Variants in TFCP2L1 observed in about 807,000 individuals in gnomAD.
TFCP2L1 encodes the protein transcription factor CP2 like 1, also known as transcription factor CP2-like protein 1.
A neutral mutation model predicts 72.2 loss-of-function variants in TFCP2L1; 12 were observed. The observed-to-expected ratio is 0.17, with a 90% CI of 0.11 to 0.27. The LOEUF is 0.27. TFCP2L1 is among the 10% of genes least tolerant of loss of function. TFCP2L1 has a pLI of 1.00. For missense variants in TFCP2L1, 488 were observed against 624.6 expected (o/e 0.78, Z 2.33); for synonymous variants, 260 against 251.0 (o/e 1.04, Z -0.34).
At chr2:121,249,262 C>CT (rs533480962) in intron 3 of TFCP2L1, among the ~76,000 whole-genome samples, 175 bp from the exon 4 acceptor site, 5 of 152,304 alleles carry the variant, frequency 3.3e-5, no homozygotes, top group African/African-American at 1.2e-4. Flanking sequence ...GTAACACTAA[C>CT]AACAGCAACA....
Position 121,285,139 on chromosome 2 carries a change from C to A in TFCP2L1, c.-30G>T, listed in dbSNP as rs1332235930. The A allele has an allele frequency of 2.0e-6, 3 of 1,469,558 alleles. No homozygotes were observed. The highest frequency in any genetic ancestry group is 1.4e-5 in the African/African-American group (1 of 69,022). The allele number at this position is 1,469,558 out of a possible 1,614,324, so 91.0% of individuals were successfully genotyped here. ...GGAACTCCCAGCGCGCCGACCGGGG[C>A]GCGGCAGCAAGCGCAGACGCGGGGC... On this transcript the variant is annotated 5_prime_UTR_variant, in exon 1 of 15. Coordinates refer to ENST00000263707, the MANE Select transcript of TFCP2L1 (RefSeq NM_014553.3).
chr2:121,240,808 G>C (rs1686352093), intron 7 of TFCP2L1: 1 of 910,630 alleles, frequency 1.1e-6, no homozygotes, highest in Admixed American at 6.2e-5. Flanking sequence ...TGCAGTGCTT[G>C]CATCCTGCCA....
intron 14 of TFCP2L1, among the ~76,000 whole-genome samples, 167 bp downstream of exon 14, chr2:121,225,395 C>T (rs1413255267): frequency 1.3e-5 from 2 of 152,204 alleles, no homozygotes; most frequent in African/African-American, 4.8e-5. Flanking sequence ...GGGGGCCAAT[C>T]TCACTAGTTC....
intron 12 of TFCP2L1, among the ~76,000 whole-genome samples, chr2:121,233,180 G>A (rs944394661): frequency 6.6e-6 from 1 of 152,090 alleles, no homozygotes; most frequent in Non-Finnish European, 1.5e-5. Context: ...TTAGCCAGGT[G>A]TGGGGGTGTG....
At chr2:121,240,983 G>A (rs964871767) in intron 7 of TFCP2L1, among the ~76,000 whole-genome samples, 3 of 152,124 alleles carry the variant, frequency 2.0e-5, no homozygotes, top group Non-Finnish European at 4.4e-5. Context: ...AGCCAAGACC[G>A]GGCCACTGTT....
chr2:121,226,229 G>A (rs1686030532), intron 13 of TFCP2L1, among the ~76,000 whole-genome samples: 1 of 151,966 alleles, frequency 6.6e-6, no homozygotes, highest in African/African-American at 2.4e-5. Flanking sequence ...AACATTCACT[G>A]AAAAATAAGG....
rs750010923 is a variant in TFCP2L1 at position 121,285,045 on chromosome 2, T to C, written c.62+3A>G. 2 of 1,502,606 alleles carry C rather than the reference T, an allele frequency of 1.3e-6. No homozygotes were observed. The highest frequency in any genetic ancestry group is 2.3e-5 in the Admixed American group (1 of 43,276). 93.1% of individuals were successfully genotyped at this position (1,502,606 alleles called of 1,614,324 possible). On this transcript the variant is annotated splice_donor_region_variant and intron_variant, in intron 1 of 14. Transcript: ENST00000263707. Reference sequence around the variant, plus strand: ...ACCCGCGGGGACCGCGCGCGGCCCTTACCGCAGGTAGCTGCCGGAGTTGTG... The same window carrying C: ...ACCCGCGGGGACCGCGCGCGGCCCTCACCGCAGGTAGCTGCCGGAGTTGTG...
rs1171678921 is a variant in TFCP2L1 at position 121,217,189 on chromosome 2, T to G, written c.*7152A>C. 2.6e-5 allele frequency: 4 copies of G among 152,246 alleles called. No homozygotes were observed. The South Asian group carries it at 8.3e-4, about 32-fold the overall frequency. The allele number at this position is 152,246 out of a possible 1,614,324, so 9.4% of individuals were successfully genotyped here. A position where few individuals can be genotyped will look rare whatever the true frequency, so the allele number is the denominator to read the frequency against. On this transcript the variant is annotated 3_prime_UTR_variant, in exon 15 of 15. Transcript: ENST00000263707. The stretch of plus-strand genomic sequence containing the variant: ...CCCTGGCCCCCATCTAACCTCCCAG[T>G]TGACTTCCTGAAAACTGGGCTAGTG...
intron 13 of TFCP2L1, among the ~76,000 whole-genome samples, chr2:121,225,998 A>G (rs891978616): frequency 1.5e-5 from 2 of 135,960 alleles, no homozygotes; most frequent in African/African-American, 5.8e-5. Context: ...ACACGGGAAC[A>G]CGGTAAACAC....
chr2:121,242,562 A>G (rs1686399006), intron 6 of TFCP2L1, 93 bp from the exon 7 acceptor site: 2 of 1,224,300 alleles, frequency 1.6e-6, no homozygotes, highest in East Asian at 2.3e-5. Flanking sequence ...CCAGGGCCCC[A>G]GGGCGCAGGG....
At position 121,246,877 on chromosome 2, in the gene TFCP2L1, C is replaced by T; in HGVS notation, c.598G>A (p.Glu200Lys). 3.7e-6 allele frequency: 6 copies of T among 1,614,150 alleles called. No homozygotes were observed. Among genetic ancestry groups the T allele is most frequent in the South Asian group, 1.1e-5 (1 of 91,078 alleles). The change falls in exon 6 of 15, where the codon GAG (glutamate) becomes AAG (lysine). Residue 200 changes from glutamate (E) to lysine (K), a missense_variant. Around this residue, in one of 3 missense-constraint regions of TFCP2L1, gnomAD observed 129 missense variants for 236.0 expected, o/e 0.55. Coordinates refer to ENST00000263707, the MANE Select transcript of TFCP2L1 (RefSeq NM_014553.3). ...AGGTGCTCCGTGTACTCCCCATTCT[C>T]GTTCTGCTTAAACGTGTCAATCTGG... ...RVQIDTFKQN[E>K]NGEYTEHLHS...
intron 5 of TFCP2L1, 107 bp from the exon 6 acceptor site, chr2:121,247,077 G>T: frequency 7.3e-7 from 1 of 1,378,086 alleles, no homozygotes; most frequent in Non-Finnish European, 9.9e-7. Context: ...CTTGGTCAGT[G>T]CAGGCCTGCC....
At chr2:121,276,230 C>T (rs1042819253) in intron 2 of TFCP2L1, among the ~76,000 whole-genome samples, 42 of 151,852 alleles carry the variant, frequency 2.8e-4, no homozygotes, top group Non-Finnish European at 2.4e-4. Flanking sequence ...CCCCACCCCC[C>T]GACAGGCCCC....
rs2104640358 is a variant in TFCP2L1, at chr2:121,217,581, C to G, written c.*6760G>C. 2 of 152,686 alleles carry G rather than the reference C, an allele frequency of 1.3e-5. 1 individual carries two copies. The highest frequency in any genetic ancestry group is 4.1e-4 in the South Asian group (2 of 4,836). 9.5% of individuals were successfully genotyped at this position (152,686 alleles called of 1,614,324 possible). On this transcript the variant is annotated 3_prime_UTR_variant, in exon 15 of 15. Coordinates refer to ENST00000263707, the MANE Select transcript of TFCP2L1 (RefSeq NM_014553.3). ...CCACTGTGAGCAGTCCCCTTTGTAG[C>G]AGGAAGAGCAGCTGGACACATGGGA...
chr2:121,281,995 T>C (rs1324986346), intron 1 of TFCP2L1, among the ~76,000 whole-genome samples: 3 of 151,914 alleles, frequency 2.0e-5, no homozygotes, highest in Non-Finnish European at 2.9e-5. Flanking sequence ...GCAAGTGGCG[T>C]GATCTCGGCT....
chr2:121,234,056 A>G (rs373021403), intron 12 of TFCP2L1, 35 bp downstream of exon 12: 11 of 1,572,590 alleles, frequency 7.0e-6, no homozygotes, highest in Middle Eastern at 2.2e-4. Flanking sequence ...GCGGGACCCA[A>G]TGTGTGGGTC....
intron 1 of TFCP2L1, among the ~76,000 whole-genome samples, chr2:121,282,346 G>C (rs1174281935): frequency 8.7e-6 from 1 of 114,870 alleles, no homozygotes; most frequent in Non-Finnish European, 1.8e-5. Context: ...AAAAAAAAAT[G>C]AAGTCATCAT....
chr2:121,230,100 G>A (rs566349044), intron 13 of TFCP2L1, among the ~76,000 whole-genome samples: 3 of 152,284 alleles, frequency 2.0e-5, no homozygotes, highest in Admixed American at 6.5e-5. Flanking sequence ...GGGGTCTGCT[G>A]GGGGCTGAAC....
In TFCP2L1 at chr2:121,246,862, TGTACTCCCCATTCTC is replaced by T. The variant is rs1558735072; in HGVS notation, c.598_612del (p.Glu200_Tyr204del). On this transcript the variant is annotated inframe_deletion, in exon 6 of 15. Coordinates refer to ENST00000263707, the MANE Select transcript of TFCP2L1 (RefSeq NM_014553.3). ...CAGCTGGCTGAGTGCAGGTGCTCCG[TGTACTCCCCATTCTC>T]GTTCTGCTTAAACGTGTCAATCTGG... 1 of 1,614,204 alleles carries T rather than the reference TGTACTCCCCATTCTC, an allele frequency of 6.2e-7. No homozygotes were observed.
Sources: allele counts gnomAD v4.1 joint callset (sites outside exome capture counted in the v4.1 genomes callset), GRCh38; gene constraint gnomAD v4.1.1; regional missense constraint gnomAD v4.1.1; transcripts MANE v1.5; gene names NCBI Gene and HGNC (gene_info 2026-07-23, HGNC 2026-07-21).